The following CCDC68 variants were observed in gnomAD, a reference collection of about 807,000 sequenced individuals.
The protein encoded by CCDC68 is coiled-coil domain containing 68, also known as coiled-coil domain-containing protein 68.
CCDC68 carries 45 observed loss-of-function variants against 47.1 expected under a neutral mutation model. The ratio of observed to expected loss-of-function variants is 0.96; its 90% CI spans 0.75 to 1.23. CCDC68 has a LOEUF of 1.23. CCDC68 is among the 50% of genes most tolerant of loss of function. The pLI is 0.00. For synonymous variants in CCDC68, 131 were observed against 129.5 expected, an observed-to-expected ratio of 1.01 and a Z score of -0.08; for missense variants, 353 against 373.6, an observed-to-expected ratio of 0.94 and a Z score of 0.45.
rs781750644 is a variant in CCDC68, at chr18:54,917,864, C to CAA, written c.873+48_873+49insTT. ...AGACACACACACACACACACACACA[C>CAA]ACACACTCACACCCTCACAACAAAA... On this transcript the variant is annotated intron_variant, in intron 10 of 11. Transcript: ENST00000591504. 70 of 1,014,490 alleles carry CAA rather than the reference C, an allele frequency of 6.9e-5. 1 individual carries two copies. The highest frequency in any genetic ancestry group is 1.1e-4 in the Non-Finnish European group (68 of 643,906). 62.8% of individuals were successfully genotyped at this position (1,014,490 alleles called of 1,614,324 possible).
chr18:54,911,010 C>G (rs1487687975), intron 10 of CCDC68, among the ~76,000 whole-genome samples: 2 of 152,194 alleles, frequency 1.3e-5, no homozygotes, highest in Non-Finnish European at 2.9e-5. Flanking sequence ...AGGGGTGGGG[C>G]TCTTGTGGGC....
chr18:54,941,691 A>C (rs1007608152), intron 3 of CCDC68, among the ~76,000 whole-genome samples: 1 of 152,210 alleles, frequency 6.6e-6, no homozygotes, highest in Non-Finnish European at 1.5e-5. Context: ...TAAATAATCC[A>C]AAAAGGTAAA....
intron 10 of CCDC68, among the ~76,000 whole-genome samples, chr18:54,908,459 C>G (rs1914142248): frequency 6.6e-6 from 1 of 152,124 alleles, no homozygotes. Context: ...TCTCATAATT[C>G]TGGGAGTTCA....
chr18:54,939,946 G>T (rs1599078448), intron 4 of CCDC68, among the ~76,000 whole-genome samples: 1 of 152,040 alleles, frequency 6.6e-6, no homozygotes, highest in East Asian at 2.0e-4. Flanking sequence ...ACAGGAGCTT[G>T]TTAGAAATGC....
intron 3 of CCDC68, among the ~76,000 whole-genome samples, chr18:54,942,388 G>C (rs1489967552): frequency 4.6e-5 from 7 of 152,194 alleles, no homozygotes; most frequent in African/African-American, 1.4e-4. Context: ...GTGGTGAATA[G>C]TGAGGGACAA....
intron 11 of CCDC68, 31 bp from the exon 12 acceptor site, chr18:54,904,446 G>A (rs1913866085): frequency 1.3e-6 from 2 of 1,574,250 alleles, no homozygotes; most frequent in Non-Finnish European, 1.7e-6. Context: ...TGATCAAAAT[G>A]GAGAATGTTA....
intron 3 of CCDC68, among the ~76,000 whole-genome samples, chr18:54,941,414 C>T (rs2044435027): frequency 6.6e-6 from 1 of 152,046 alleles, no homozygotes; most frequent in Non-Finnish European, 1.5e-5. Context: ...TAATTTAGTA[C>T]TAATTTACTG....
intron 10 of CCDC68, among the ~76,000 whole-genome samples, chr18:54,917,023 G>A (rs1422588229): frequency 1.3e-5 from 2 of 152,164 alleles, no homozygotes; most frequent in East Asian, 1.9e-4. Flanking sequence ...CAGCCATGTG[G>A]AACTGTGAGT....
intron 1 of CCDC68, chr18:54,958,030 T>A (rs531023151): frequency 6.6e-6 from 1 of 152,364 alleles, no homozygotes; most frequent in South Asian, 2.1e-4. Flanking sequence ...TGCCTATCAG[T>A]AATTCACAAA....
intron 10 of CCDC68, among the ~76,000 whole-genome samples, chr18:54,909,339 T>C (rs1914205248): frequency 6.6e-6 from 1 of 151,814 alleles, no homozygotes; most frequent in Admixed American, 6.6e-5. Context: ...AGGAACAGAC[T>C]TAGAGAGTCA....
At chr18:54,910,491 CA>C (rs1239001625) in intron 10 of CCDC68, among the ~76,000 whole-genome samples, 1 of 152,192 alleles carries the variant, frequency 6.6e-6, no homozygotes, top group Non-Finnish European at 1.5e-5. Context: ...AATGGGCCCA[CA>C]AAAGGCAACA....
Position 54,928,847 on chromosome 18 carries a change from C to T in CCDC68, c.636G>A (p.Leu212=), listed in dbSNP as rs760647370. ...KRTLLERKLS[L]ENKLLQLKSS... ...ATTTGAGTTGCAGTAGCTTGTTTTC[C>T]AAAGACAGTTTTCTTTCTAGTAGTG... The change falls in exon 8 of 12, where the codon TTG becomes TTA. Residue 212 remains leucine (L), a synonymous_variant. Coordinates refer to ENST00000591504, the MANE Select transcript of CCDC68 (RefSeq NM_025214.3). 6.2e-7 allele frequency: 1 copy of T among 1,612,680 alleles called. No individual in the cohort carries two copies. Among genetic ancestry groups the T allele is most frequent in the South Asian group, 1.1e-5 (1 of 91,004 alleles).
chr18:54,956,803 T>C (rs1479187972), intron 1 of CCDC68, among the ~76,000 whole-genome samples: 2 of 152,128 alleles, frequency 1.3e-5, no homozygotes, highest in African/African-American at 4.8e-5. Flanking sequence ...TGGGGAATGA[T>C]GAAGTGATCT....
At chr18:54,914,283 CTGTTAT>C (rs1368641405) in intron 10 of CCDC68, among the ~76,000 whole-genome samples, 1 of 152,126 alleles carries the variant, frequency 6.6e-6, no homozygotes, top group Non-Finnish European at 1.5e-5. Flanking sequence ...TCATCAGATA[CTGTTAT>C]TATTTGAAGC....
intron 1 of CCDC68, among the ~76,000 whole-genome samples, chr18:54,947,873 G>T (rs1250951548): frequency 6.6e-6 from 1 of 152,164 alleles, no homozygotes; most frequent in Non-Finnish European, 1.5e-5. Context: ...TATTGCTAAT[G>T]CACCGATAAT....
At chr18:54,947,049 T>C (rs1293551347) in intron 1 of CCDC68, among the ~76,000 whole-genome samples, 2 of 152,214 alleles carry the variant, frequency 1.3e-5, no homozygotes, top group Non-Finnish European at 2.9e-5. Context: ...GAGTCCTTGG[T>C]TGGTATAAAG....
chr18:54,940,558 G>T (rs1322533117), intron 4 of CCDC68, among the ~76,000 whole-genome samples: 1 of 152,182 alleles, frequency 6.6e-6, no homozygotes, highest in Admixed American at 6.5e-5. Context: ...AGTGCAGATT[G>T]CTCGACCTTA....
chr18:54,918,049 T>A, intron 9 of CCDC68, 53 bp from the exon 10 acceptor site: 1 of 738,302 alleles, frequency 1.4e-6, no homozygotes, highest in Non-Finnish European at 2.2e-6. Context: ...CAGGAAATAG[T>A]TACTTAAGTC....
Position 54,901,678 on chromosome 18 carries a change from A to G in CCDC68, c.*2680T>C, listed in dbSNP as rs1913690557. The G allele has an allele frequency of 6.6e-6, 1 of 152,216 alleles. No individual in the cohort carries two copies. Among genetic ancestry groups the G allele is most frequent in the South Asian group, 2.1e-4 (1 of 4,832 alleles). The allele number at this position is 152,216 out of a possible 1,614,324, so 9.4% of individuals were successfully genotyped here. A position where few individuals can be genotyped will look rare whatever the true frequency, so the allele number is the denominator to read the frequency against. On this transcript the variant is annotated 3_prime_UTR_variant, in exon 12 of 12. Transcript: ENST00000591504. The stretch of plus-strand genomic sequence containing the variant: ...TTGTAACAACATATGTAATCAAGGT[A>G]GAACTAAGTTTCTTTTCTTTTCCTG...
Sources: gnomAD v4.1 joint callset for allele counts (sites outside exome capture counted in the v4.1 genomes callset) on GRCh38, gnomAD v4.1.1 for gene constraint, MANE v1.5 for transcripts, NCBI Gene and HGNC (gene_info 2026-07-23, HGNC 2026-07-21) for gene names.